PCDHA1: variants seen among roughly 807,000 people sequenced by gnomAD.
PCDHA1 encodes protocadherin alpha-1.
Under a neutral mutation model 61.3 loss-of-function variants are expected in PCDHA1, and 42 were observed. The ratio of observed to expected loss-of-function variants is 0.69; its 90% CI spans 0.54 to 0.89. The LOEUF is 0.89. Ranked by LOEUF, PCDHA1 falls within the 40% of genes least tolerant of loss-of-function variation. The probability of loss-of-function intolerance (pLI) is 0.00; values close to 1 mark genes in which losing one functional copy is unlikely to be tolerated. For missense variants in PCDHA1, 1,256 were observed against 1,235.3 expected, an observed-to-expected ratio of 1.02 and a Z score of -0.25; for synonymous variants, 610 against 553.8, an observed-to-expected ratio of 1.10 and a Z score of -1.43.
intron 1 of PCDHA1, chr5:140,831,368 G>GTA (rs1424031923): frequency 4.0e-5 from 6 of 151,578 alleles, no homozygotes; most frequent in Admixed American, 4.0e-4. Flanking sequence ...TTGTATGTGT[G>GTA]TGTGTGTGTG....
At chr5:140,804,755 G>GCAAT (rs1322058391) in intron 1 of PCDHA1, 1 of 227,750 alleles carries the variant, frequency 4.4e-6, no homozygotes, top group Non-Finnish European at 8.5e-6. Flanking sequence ...ATCTCCTCTA[G>GCAAT]CAATTAGTTG....
chr5:140,849,596 A>G, intron 1 of PCDHA1: 1 of 1,598,768 alleles, frequency 6.3e-7, no homozygotes, highest in Non-Finnish European at 8.6e-7. Flanking sequence ...AACTGGGGAC[A>G]GTTATTGCCC....
chr5:140,842,711 G>A lies in PCDHA1; in HGVS notation c.2394+54027G>A, dbSNP rs1554139301. ...CGCGCAGCCCGAGTACACGGTGTTC[G>A]TGAAGGAGAACAACCCGCCGGGCTG... On this transcript the variant is annotated intron_variant, in intron 1 of 3. Coordinates refer to ENST00000504120, the MANE Select transcript of PCDHA1 (RefSeq NM_018900.4). The A allele has an allele frequency of 2.5e-6, 4 of 1,595,274 alleles. No individual in the cohort carries two copies. The South Asian group carries it at 4.4e-5, about 18-fold the overall frequency.
chr5:140,802,274 A>G (rs1034128060), intron 1 of PCDHA1: 3 of 1,614,120 alleles, frequency 1.9e-6, no homozygotes, highest in African/African-American at 1.3e-5. Context: ...CTTTACCTGT[A>G]TTAGAAGACT....
chr5:140,885,638 A>C (rs1490773479), intron 1 of PCDHA1, among the ~76,000 whole-genome samples: 10 of 152,184 alleles, frequency 6.6e-5, no homozygotes, highest in Admixed American at 5.2e-4. Flanking sequence ...ATTGCCTTCC[A>C]AGTATTTTGG....
intron 1 of PCDHA1, chr5:140,870,895 G>A (rs2052513329): frequency 6.2e-7 from 1 of 1,613,844 alleles, no homozygotes; most frequent in African/African-American, 1.3e-5. Flanking sequence ...CGCAGTGGAT[G>A]CGGACTCAGG....
In PCDHA1 at chr5:141,010,363, G is replaced by A; in HGVS notation, c.*426G>A. On this transcript the variant is annotated 3_prime_UTR_variant, in exon 4 of 4. Coordinates refer to ENST00000504120, the MANE Select transcript of PCDHA1 (RefSeq NM_018900.4). ...CACTGGGTATGTGTGGCTACCGCGG[G>A]TATGCGAGTGCCAGATATTGGCTGA... 7 of 1,480,446 alleles carry A rather than the reference G, an allele frequency of 4.7e-6. No homozygotes were observed. The highest frequency in any genetic ancestry group is 5.4e-6 in the Non-Finnish European group (6 of 1,112,646). 91.7% of individuals were successfully genotyped at this position (1,480,446 alleles called of 1,614,324 possible). A position where few individuals can be genotyped will look rare whatever the true frequency, so the allele number is the denominator to read the frequency against.
At position 140,858,115 on chromosome 5, in the gene PCDHA1, G is replaced by A. The variant is rs371261838; in HGVS notation, c.2394+69431G>A. 5.0e-6 allele frequency: 8 copies of A among 1,597,696 alleles called. 1 individual carries two copies. Among genetic ancestry groups the A allele is most frequent in the Non-Finnish European group, 6.9e-6 (8 of 1,167,654 alleles). ...CTTCAGTGGGCGTGGCGCCCGAGGT[G>A]GCCCTGGTGGATGTCAACGTGTACC... On this transcript the variant is annotated intron_variant, in intron 1 of 3. Transcript: ENST00000504120.
chr5:140,798,758 A>G (rs1469327258), intron 1 of PCDHA1, among the ~76,000 whole-genome samples: 1 of 152,198 alleles, frequency 6.6e-6, no homozygotes, highest in Non-Finnish European at 1.5e-5. Flanking sequence ...GGTAATTATA[A>G]CACTGAACTC....
At chr5:140,823,960 G>A (rs2150130834) in intron 1 of PCDHA1, 1 of 1,614,104 alleles carries the variant, frequency 6.2e-7, no homozygotes, top group South Asian at 1.1e-5. Context: ...GCCCACCGAG[G>A]CCGTGTGCAC....
At chr5:140,946,249 C>T (rs930979647) in intron 1 of PCDHA1, among the ~76,000 whole-genome samples, 2 of 151,896 alleles carry the variant, frequency 1.3e-5, no homozygotes, top group Admixed American at 6.6e-5. Flanking sequence ...CATCATGAAT[C>T]ATCAGAAAAA....
chr5:140,824,848 GT>G (rs1205508305), intron 1 of PCDHA1: 1 of 151,796 alleles, frequency 6.6e-6, no homozygotes, highest in African/African-American at 2.4e-5. Context: ...CACTAATTTA[GT>G]TTGTTTTCAA....
chr5:140,912,897 G>A (rs782442093), intron 1 of PCDHA1, among the ~76,000 whole-genome samples: 5 of 152,172 alleles, frequency 3.3e-5, no homozygotes, highest in Non-Finnish European at 5.9e-5. Context: ...TTGATATGAT[G>A]TATCATATTG....
At chr5:140,836,168 T>G in intron 1 of PCDHA1, 2 of 1,613,802 alleles carry the variant, frequency 1.2e-6, no homozygotes, top group African/African-American at 1.3e-5. Flanking sequence ...CGAAGGTACG[T>G]GCAGTTGACG....
intron 1 of PCDHA1, among the ~76,000 whole-genome samples, chr5:140,936,457 TG>T (rs782214118): frequency 2.2e-4 from 34 of 152,232 alleles, no homozygotes; most frequent in Non-Finnish European, 4.6e-4. Flanking sequence ...ATCTGTTTAG[TG>T]GTTGCTGTAG....
chr5:140,809,014 C>G (rs1562221741), intron 1 of PCDHA1: 2 of 1,613,716 alleles, frequency 1.2e-6, no homozygotes, highest in Non-Finnish European at 1.7e-6. Context: ...GGCTTTCGTA[C>G]GAGCTGCAGC....
chr5:140,978,721 A>C (rs2096819896), intron 1 of PCDHA1, among the ~76,000 whole-genome samples: 1 of 152,236 alleles, frequency 6.6e-6, no homozygotes, highest in African/African-American at 2.4e-5. Flanking sequence ...CAAGATTATT[A>C]AATCTGGTCT....
intron 1 of PCDHA1, chr5:140,848,196 A>T: frequency 3.3e-6 from 1 of 307,634 alleles, no homozygotes. Context: ...CTTCTGTTTC[A>T]ACAATCATTA....
In PCDHA1 at chr5:140,969,495, C is replaced by T. The variant is rs1205771172; in HGVS notation, c.2395-9454C>T. On this transcript the variant is annotated intron_variant, in intron 1 of 3. Transcript: ENST00000504120. The stretch of plus-strand genomic sequence containing the variant: ...TTGATCATAATCTGCTATTTCCTCT[C>T]TAGAAAAATAGCACTAAAGAATTGT... 10 of 1,437,770 alleles carry T rather than the reference C, an allele frequency of 7.0e-6. No homozygotes were observed. The African/African-American group carries it at 7.2e-5, about 10-fold the overall frequency. The allele number at this position is 1,437,770 out of a possible 1,614,324, so 89.1% of individuals were successfully genotyped here. A position where few individuals can be genotyped will look rare whatever the true frequency, so the allele number is the denominator to read the frequency against.
Sources: gnomAD v4.1 joint callset for allele counts (sites outside exome capture counted in the v4.1 genomes callset) on GRCh38, gnomAD v4.1.1 for gene constraint, MANE v1.5 for transcripts, NCBI Gene and HGNC (gene_info 2026-07-23, HGNC 2026-07-21) for gene names.